The following KCNB2 variants were observed in gnomAD, a reference collection of about 807,000 sequenced individuals.
The protein encoded by KCNB2 is potassium voltage-gated channel subfamily B member 2, also known as delayed rectifier potassium channel protein.
KCNB2 carries 15 observed loss-of-function variants against 61.5 expected under a neutral mutation model. The observed-to-expected ratio is 0.24, with a 90% CI of 0.16 to 0.38. KCNB2 has a LOEUF of 0.38. Among genes scored for constraint, KCNB2 ranks in the 10% least tolerant of loss-of-function variants. The probability of loss-of-function intolerance (pLI) is 1.00; values close to 1 mark genes in which losing one functional copy is unlikely to be tolerated. For missense variants in KCNB2, 828 were observed against 1,125.2 expected (o/e 0.74, Z 3.78); for synonymous variants, 457 against 446.0 (o/e 1.02, Z -0.31).
At chr8:72,608,418 CCT>C in intron 2 of KCNB2, among the ~76,000 whole-genome samples, 1 of 152,172 alleles carries the variant, frequency 6.6e-6, no homozygotes, top group Middle Eastern at 3.4e-3. Flanking sequence ...TACTCTAGCC[CCT>C]GTTTGGAAAG....
rs540447982 is a variant in KCNB2 at position 72,599,499 on chromosome 8, G to A, written c.579+31186G>A. On this transcript the variant is annotated intron_variant, in intron 2 of 2. Coordinates refer to ENST00000523207, the MANE Select transcript of KCNB2 (RefSeq NM_004770.3). ...TAGACCTAAAACCATAAAAACCCTA[G>A]AAGAAAACCTAGGCAATACCATTCA... 1.7e-3 allele frequency among the ~76,000 whole-genome samples: 255 copies of A among 152,208 alleles called. 2 individuals carry two copies. The highest frequency in any genetic ancestry group is 5.9e-3 in the African/African-American group (246 of 41,528).
intron 2 of KCNB2, among the ~76,000 whole-genome samples, chr8:72,763,593 C>T (rs186044379): frequency 3.0e-4 from 46 of 152,216 alleles, no homozygotes; most frequent in Admixed American, 1.4e-3. Context: ...TATTTAAAAC[C>T]CAGACTTCAA....
intron 2 of KCNB2, among the ~76,000 whole-genome samples, chr8:72,747,114 C>A (rs1483777597): frequency 6.6e-6 from 1 of 152,058 alleles, no homozygotes; most frequent in Non-Finnish European, 1.5e-5. Flanking sequence ...GAAGGCATGA[C>A]ACATATTTCA....
intron 2 of KCNB2, among the ~76,000 whole-genome samples, chr8:72,760,679 G>A (rs1196840216): frequency 1.3e-5 from 2 of 152,138 alleles, no homozygotes; most frequent in African/African-American, 2.4e-5. Flanking sequence ...TATATGACAG[G>A]TATGGAGCTC....
At chr8:72,782,923 C>A (rs543191680) in intron 2 of KCNB2, among the ~76,000 whole-genome samples, 39 of 152,090 alleles carry the variant, frequency 2.6e-4, no homozygotes, top group Middle Eastern at 3.4e-3. Context: ...GCAATTGTTA[C>A]CATTATAATA....
chr8:72,588,663 G>T (rs914663870), intron 2 of KCNB2, among the ~76,000 whole-genome samples: 1 of 152,032 alleles, frequency 6.6e-6, no homozygotes, highest in Non-Finnish European at 1.5e-5. Context: ...AGAGGCGAAG[G>T]CAGGAAGATT....
intron 2 of KCNB2, among the ~76,000 whole-genome samples, chr8:72,652,306 TTG>T (rs1177534316): frequency 6.6e-6 from 1 of 152,128 alleles, no homozygotes; most frequent in Admixed American, 6.6e-5. Flanking sequence ...ACTTCTGGGA[TTG>T]TGTCATGCAA....
rs7464751 is a variant in KCNB2 at position 72,920,473 on chromosome 8, C to T, written c.580-15462C>T. 3.8e-5 allele frequency among the ~76,000 whole-genome samples: 3 copies of T among 78,742 alleles called. 1 individual carries two copies. Among genetic ancestry groups the T allele is most frequent in the Non-Finnish European group, 8.1e-5 (3 of 36,996 alleles). The allele number at this position is 78,742 out of a possible 152,430, so 51.7% of individuals were successfully genotyped here. ...TCTATCTATCTATCTATCTATCTAT[C>T]TATATATATATATATTAGCTGGCCA... On this transcript the variant is annotated intron_variant, in intron 2 of 2. Transcript: ENST00000523207.
chr8:72,659,824 T>A (rs548532266), intron 2 of KCNB2, among the ~76,000 whole-genome samples: 2 of 152,194 alleles, frequency 1.3e-5, no homozygotes, highest in South Asian at 4.1e-4. Context: ...GCTTGTACAT[T>A]TTTTATTAGA....
intron 2 of KCNB2, among the ~76,000 whole-genome samples, chr8:72,647,860 A>G (rs1806154664): frequency 6.6e-6 from 1 of 152,158 alleles, no homozygotes; most frequent in Admixed American, 6.5e-5. Context: ...TAATGATTAC[A>G]TTTCAAAAAA....
chr8:72,675,192 A>G (rs1806632656), intron 2 of KCNB2, among the ~76,000 whole-genome samples: 1 of 152,230 alleles, frequency 6.6e-6, no homozygotes, highest in South Asian at 2.1e-4. Context: ...AAAAAACTTA[A>G]TAAAAAGTGT....
At chr8:72,655,214 A>G (rs1188773898) in intron 2 of KCNB2, among the ~76,000 whole-genome samples, 3 of 152,168 alleles carry the variant, frequency 2.0e-5, no homozygotes, top group Admixed American at 2.0e-4. Context: ...CAAATACCAC[A>G]TATTCTCACT....
intron 2 of KCNB2, among the ~76,000 whole-genome samples, chr8:72,743,661 A>T (rs1808006572): frequency 6.6e-6 from 1 of 152,162 alleles, no homozygotes; most frequent in South Asian, 2.1e-4. Flanking sequence ...TGCTTTCTGT[A>T]TTTTTTCTTC....
At chr8:72,670,136 G>A (rs892628884) in intron 2 of KCNB2, among the ~76,000 whole-genome samples, 3 of 152,154 alleles carry the variant, frequency 2.0e-5, no homozygotes, top group Non-Finnish European at 1.5e-5. Context: ...TCCTTGTGTC[G>A]ATAATCTGGA....
chr8:72,613,220 A>C, intron 2 of KCNB2, among the ~76,000 whole-genome samples: 1 of 152,192 alleles, frequency 6.6e-6, no homozygotes, highest in East Asian at 1.9e-4. Flanking sequence ...TGGATTTCAA[A>C]CAGGCAATTA....
intron 2 of KCNB2, among the ~76,000 whole-genome samples, chr8:72,778,046 A>G (rs1378744465): frequency 6.6e-6 from 1 of 152,118 alleles, no homozygotes; most frequent in Non-Finnish European, 1.5e-5. Flanking sequence ...TGCTGTTTCC[A>G]TGTTTTGTTA....
At chr8:72,671,729 C>T (rs1194159743) in intron 2 of KCNB2, among the ~76,000 whole-genome samples, 1 of 152,094 alleles carries the variant, frequency 6.6e-6, no homozygotes, top group Non-Finnish European at 1.5e-5. Flanking sequence ...ACATGGATTG[C>T]CTTGGTCAAT....
intron 2 of KCNB2, among the ~76,000 whole-genome samples, chr8:72,917,404 G>A (rs17197474): frequency 0.62 from 93,499 of 151,660 alleles, 29,888 homozygotes; most frequent in Middle Eastern, 0.71. Context: ...AAAAGGCAAA[G>A]GAGACAATAT....
intron 2 of KCNB2, among the ~76,000 whole-genome samples, chr8:72,641,614 TC>T (rs1364052194): frequency 2.0e-5 from 3 of 152,114 alleles, no homozygotes; most frequent in Non-Finnish European, 4.4e-5. Flanking sequence ...ACTTTGGATC[TC>T]CTTAAGTGAA....
Sources: gnomAD v4.1 joint callset for allele counts (sites outside exome capture counted in the v4.1 genomes callset) on GRCh38, gnomAD v4.1.1 for gene constraint, MANE v1.5 for transcripts, NCBI Gene and HGNC (gene_info 2026-07-23, HGNC 2026-07-21) for gene names.